The following SLC4A4 variants were observed in gnomAD, a reference collection of about 807,000 sequenced individuals.
SLC4A4 encodes solute carrier family 4 member 4, also known as electrogenic sodium bicarbonate cotransporter 1.
A neutral mutation model predicts 111.5 loss-of-function variants in SLC4A4; 27 were observed. That is an observed-to-expected ratio of 0.24 (90% confidence interval 0.18 to 0.33). The LOEUF is 0.33. Among genes scored for constraint, SLC4A4 ranks in the 10% least tolerant of loss-of-function variants. SLC4A4 has a pLI of 1.00. For missense variants in SLC4A4, 909 were observed against 1,315.5 expected, an observed-to-expected ratio of 0.69 and a Z score of 4.78; for synonymous variants, 443 against 463.4, an observed-to-expected ratio of 0.96 and a Z score of 0.57.
chr4:71,423,402 G>A (rs1577860802), intron 7 of SLC4A4, among the ~76,000 whole-genome samples: 1 of 152,150 alleles, frequency 6.6e-6, no homozygotes. Context: ...TCGTGAAAAT[G>A]GCCATACTGC....
intron 1 of SLC4A4, among the ~76,000 whole-genome samples, chr4:71,077,037 T>TAAAAATACATATAC: frequency 6.7e-6 from 1 of 149,002 alleles, no homozygotes; most frequent in Non-Finnish European, 1.5e-5. Context: ...TATACATATA[T>TAAAAATACATATAC]GTAAAAATAC....
intron 4 of SLC4A4, among the ~76,000 whole-genome samples, chr4:71,343,838 A>G (rs1470815533): frequency 6.6e-6 from 1 of 151,906 alleles, no homozygotes; most frequent in Non-Finnish European, 1.5e-5. Context: ...ACTCTGCTTG[A>G]GCCTCACTGG....
intron 1 of SLC4A4, among the ~76,000 whole-genome samples, chr4:71,084,578 C>T (rs149833002): frequency 0.012 from 1,820 of 151,946 alleles, 44 homozygotes; most frequent in African/African-American, 0.042. Flanking sequence ...CAACAGGCCC[C>T]GGTGTGTGAT....
At chr4:71,283,703 G>T (rs1723704359) in intron 3 of SLC4A4, among the ~76,000 whole-genome samples, 1 of 152,162 alleles carries the variant, frequency 6.6e-6, no homozygotes. Flanking sequence ...AGAAATGGGA[G>T]ACCAAATCAG....
At chr4:71,373,181 A>G (rs1327512921) in intron 6 of SLC4A4, among the ~76,000 whole-genome samples, 2 of 152,212 alleles carry the variant, frequency 1.3e-5, no homozygotes, top group Admixed American at 1.3e-4. Context: ...CCACTCTTCT[A>G]GTTATATGGT....
rs1355947899 is a variant in SLC4A4, at chr4:71,557,861, G to T, written c.2913G>T (p.Val971=). ...TGCTTTGGATCCTCAAGTCAACGGT[G>T]GCTGCTATCATTTTTCCAGTAATGG... is the stretch of plus-strand genomic sequence containing the variant. ...LALLWILKST[V]AAIIFPVMIL... The change falls in exon 22 of 26, where the codon GTG becomes GTT. Residue 971 remains valine (V), a synonymous_variant. Coordinates refer to ENST00000264485, the MANE Select transcript of SLC4A4 (RefSeq NM_001098484.3). The T allele has an allele frequency of 1.9e-6, 3 of 1,612,410 alleles. No individual in the cohort carries two copies. Among genetic ancestry groups the T allele is most frequent in the Non-Finnish European group, 2.5e-6 (3 of 1,179,090 alleles).
At chr4:71,363,207 A>G (rs1295949134) in intron 6 of SLC4A4, among the ~76,000 whole-genome samples, 1 of 152,206 alleles carries the variant, frequency 6.6e-6, no homozygotes, top group Non-Finnish European at 1.5e-5. Context: ...AGAACAAACA[A>G]TGGAAAGAAA....
chr4:71,320,557 T>G (rs375680560), intron 3 of SLC4A4, among the ~76,000 whole-genome samples: 6 of 152,048 alleles, frequency 3.9e-5, no homozygotes, highest in Non-Finnish European at 8.8e-5. Flanking sequence ...GCAGAGGGAT[T>G]TGGACAATTT....
chr4:71,469,938 A>G (rs1355507167), intron 13 of SLC4A4, among the ~76,000 whole-genome samples: 2 of 152,006 alleles, frequency 1.3e-5, no homozygotes, highest in Non-Finnish European at 2.9e-5. Context: ...TAGCTAGTTA[A>G]TGGATTTGTT....
chr4:71,085,152 C>T (rs942645673), intron 1 of SLC4A4, among the ~76,000 whole-genome samples: 15 of 152,024 alleles, frequency 9.9e-5, no homozygotes, highest in African/African-American at 3.4e-4. Context: ...TCTCTGTTGG[C>T]CAGTGAAGAT....
chr4:71,091,515 A>G (rs1742388194), intron 1 of SLC4A4, among the ~76,000 whole-genome samples: 1 of 151,882 alleles, frequency 6.6e-6, no homozygotes, highest in Non-Finnish European at 1.5e-5. Flanking sequence ...GGCCTCCCAA[A>G]GTGCTGGGAT....
Position 71,568,212 on chromosome 4 carries a change from G to A in SLC4A4, c.*461G>A. On this transcript the variant is annotated 3_prime_UTR_variant, in exon 26 of 26. Coordinates refer to ENST00000264485, the MANE Select transcript of SLC4A4 (RefSeq NM_001098484.3). The stretch of plus-strand genomic sequence containing the variant: ...TTAAGCAGAGGATGGAAGTATTAAG[G>A]ATTTTGTAACACCTTTTATGAAAAT... 4.7e-6 allele frequency: 1 copy of A among 214,734 alleles called. No homozygotes were observed. The highest frequency in any genetic ancestry group is 9.2e-6 in the Non-Finnish European group (1 of 108,898). The allele number at this position is 214,734 out of a possible 1,614,324, so 13.3% of individuals were successfully genotyped here. A position where few individuals can be genotyped will look rare whatever the true frequency, so the allele number is the denominator to read the frequency against.
At chr4:71,317,077 T>C (rs3065422) in intron 3 of SLC4A4, among the ~76,000 whole-genome samples, 1 of 3,348 alleles carries the variant, frequency 3.0e-4, no homozygotes, top group Admixed American at 0.031. Flanking sequence ...TGTGTGTGCG[T>C]GTGTGTGTGT....
chr4:71,188,248 A>T (rs977959305), intron 1 of SLC4A4, among the ~76,000 whole-genome samples: 1 of 152,184 alleles, frequency 6.6e-6, no homozygotes, highest in Non-Finnish European at 1.5e-5. Flanking sequence ...CTTGAACTTG[A>T]CGTGAAAGAT....
At chr4:71,421,233 C>T (rs938358944) in intron 7 of SLC4A4, among the ~76,000 whole-genome samples, 3 of 152,044 alleles carry the variant, frequency 2.0e-5, no homozygotes, top group African/African-American at 7.2e-5. Context: ...TCAAAAGAGA[C>T]AAAGAAGGCC....
At chr4:71,453,737 G>A (rs1299154879) in intron 12 of SLC4A4, 68 bp downstream of exon 12, 1 of 1,438,322 alleles carries the variant, frequency 7.0e-7, no homozygotes, top group African/African-American at 1.4e-5. Context: ...CTACAGCTCA[G>A]TTAGAAGCAG....
intron 3 of SLC4A4, among the ~76,000 whole-genome samples, chr4:71,338,504 T>TTC (rs900770942): frequency 2.0e-5 from 3 of 151,826 alleles, no homozygotes; most frequent in Admixed American, 6.6e-5. Flanking sequence ...CTGCTTTTCT[T>TTC]TCTCTCTCTC....
rs2149249485 is a variant in SLC4A4, at chr4:71,557,430, A to G, written c.2764-282A>G. ...GACTCAGAGAGTAAAAATAGAAATT[A>G]GGAGATGAGCTCCTAGAATTTTTTT... On this transcript the variant is annotated intron_variant, in intron 21 of 25. Transcript: ENST00000264485. Among the ~76,000 whole-genome samples the G allele has an allele frequency of 1.3e-5, 2 of 152,066 alleles. 1 individual carries two copies. Among genetic ancestry groups the G allele is most frequent in the East Asian group, 3.9e-4 (2 of 5,126 alleles).
intron 16 of SLC4A4, among the ~76,000 whole-genome samples, chr4:71,511,829 A>T (rs772822680): frequency 1.1e-4 from 17 of 152,012 alleles, no homozygotes; most frequent in Non-Finnish European, 2.2e-4. Flanking sequence ...AATGTGATCA[A>T]ATTTTTTAGC....
Sources: allele counts gnomAD v4.1 joint callset (sites outside exome capture counted in the v4.1 genomes callset), GRCh38; gene constraint gnomAD v4.1.1; transcripts MANE v1.5; gene names NCBI Gene and HGNC (gene_info 2026-07-23, HGNC 2026-07-21).